The following MFAP1 variants were observed in gnomAD, a reference collection of about 807,000 sequenced individuals.
MFAP1 encodes the protein microfibril associated protein 1.
Under a neutral mutation model 62.2 loss-of-function variants are expected in MFAP1, and 18 were observed. That is an observed-to-expected ratio of 0.29 (90% CI 0.20 to 0.43). The LOEUF (loss-of-function observed/expected upper bound fraction) is 0.43. Ranked by LOEUF, MFAP1 falls within the 20% of genes least tolerant of loss-of-function variation. MFAP1 has a pLI of 1.00. For missense variants in MFAP1, 355 were observed against 559.7 expected (o/e 0.63, Z 3.69); for synonymous variants, 175 against 180.4 (o/e 0.97, Z 0.24).
In MFAP1 at chr15:43,805,093, C is replaced by T. The variant is rs2087354565; in HGVS notation, c.*1G>A. On this transcript the variant is annotated 3_prime_UTR_variant, in exon 9 of 9. Coordinates refer to ENST00000267812, the MANE Select transcript of MFAP1 (RefSeq NM_005926.3). ...CAGTTGGAAGAATAAGCAGTTGGAC[C>T]CTAGGTAGTTTTCCGCTTCTTGGCA... 13 of 1,577,272 alleles carry T rather than the reference C, an allele frequency of 8.2e-6. No individual in the cohort carries two copies. The highest frequency in any genetic ancestry group is 1.1e-5 in the Non-Finnish European group (13 of 1,152,450).
At chr15:43,820,004 C>G (rs952908309) in intron 1 of MFAP1, among the ~76,000 whole-genome samples, 3 of 152,196 alleles carry the variant, frequency 2.0e-5, no homozygotes, top group Non-Finnish European at 2.9e-5. Context: ...AAAAATTAGC[C>G]AGGCATGGTG....
intron 6 of MFAP1, 104 bp from the exon 7 acceptor site, chr15:43,810,018 T>C (rs1421786932): frequency 2.9e-6 from 4 of 1,364,894 alleles, no homozygotes; most frequent in Non-Finnish European, 4.0e-6. Context: ...AGTCACCTTC[T>C]TTAATTCTAG....
intron 7 of MFAP1, 110 bp from the exon 8 acceptor site, chr15:43,805,575 CCTTT>C: frequency 1.2e-6 from 1 of 848,612 alleles, no homozygotes; most frequent in Non-Finnish European, 1.8e-6. Context: ...GGGTATTGAG[CCTTT>C]CTTCAAGAGC....
intron 7 of MFAP1, among the ~76,000 whole-genome samples, chr15:43,809,400 T>A (rs1294912100): frequency 6.6e-6 from 1 of 150,952 alleles, no homozygotes; most frequent in Admixed American, 6.6e-5. Flanking sequence ...CTCTGGAGGC[T>A]GAAGCAGGTG....
chr15:43,815,759 G>A (rs899554884), intron 2 of MFAP1, among the ~76,000 whole-genome samples: 11 of 151,634 alleles, frequency 7.3e-5, no homozygotes, highest in African/African-American at 2.4e-4. Flanking sequence ...TCAGCCTCCC[G>A]AGTAGCTGGG....
At chr15:43,824,385 T>C in intron 1 of MFAP1, 106 bp downstream of exon 1, 2 of 1,101,846 alleles carry the variant, frequency 1.8e-6, no homozygotes, top group South Asian at 3.0e-5. Flanking sequence ...GGCAGCCAGA[T>C]CTCAAGAGCT....
intron 3 of MFAP1, 117 bp from the exon 4 acceptor site, chr15:43,814,805 A>G (rs1415161903): frequency 1.3e-6 from 2 of 1,485,496 alleles, no homozygotes; most frequent in East Asian, 2.3e-5. Flanking sequence ...TCTATTTTTA[A>G]TCCTATCCCC....
chr15:43,811,510 CTT>C (rs373931995), intron 6 of MFAP1, among the ~76,000 whole-genome samples: 5 of 134,538 alleles, frequency 3.7e-5, no homozygotes, highest in Admixed American at 7.4e-5. Flanking sequence ...TTCTTTTTTT[CTT>C]TTTTTTTTTT....
At chr15:43,810,516 G>A (rs1016491143) in intron 6 of MFAP1, among the ~76,000 whole-genome samples, 8 of 151,792 alleles carry the variant, frequency 5.3e-5, no homozygotes, top group African/African-American at 1.7e-4. Context: ...ACAGGTGCCC[G>A]CCACCATGCC....
At chr15:43,817,128 C>A in intron 2 of MFAP1, 101 bp downstream of exon 2, 6 of 1,163,150 alleles carry the variant, frequency 5.2e-6, no homozygotes, top group Non-Finnish European at 7.4e-6. Flanking sequence ...CAAGAATTAG[C>A]AAATGTAATC....
chr15:43,809,545 C>A (rs1384418979), intron 7 of MFAP1, among the ~76,000 whole-genome samples: 2 of 151,166 alleles, frequency 1.3e-5, no homozygotes, highest in Non-Finnish European at 1.5e-5. Context: ...AGAGTTGGGG[C>A]CAAAAGAGAG....
At chr15:43,813,406 G>A in intron 4 of MFAP1, 49 bp from the exon 5 acceptor site, 2 of 1,545,806 alleles carry the variant, frequency 1.3e-6, no homozygotes, top group Non-Finnish European at 1.8e-6. Flanking sequence ...AGAGTGGAGT[G>A]CTTTGTTCCC....
intron 5 of MFAP1, 28 bp downstream of exon 5, chr15:43,813,221 C>T: frequency 1.2e-6 from 2 of 1,614,008 alleles, no homozygotes; most frequent in Non-Finnish European, 1.7e-6. Context: ...ATTTCTTGTA[C>T]TCATTCCTTG....
At position 43,824,547 on chromosome 15, in the gene MFAP1, A is replaced by G. The variant is rs776673970; in HGVS notation, c.23T>C (p.Met8Thr). MSVPSAL[M>T]KQPPIQSTAG... ...CGTAGACTGAATGGGCGGTTGCTTCATGAGAGCGCTTGGGACCGACATGTT... is the reference window on the plus strand; with the variant it reads ...CGTAGACTGAATGGGCGGTTGCTTCGTGAGAGCGCTTGGGACCGACATGTT... The change falls in exon 1 of 9, where the codon ATG becomes ACG. Residue 8 changes from methionine to threonine, a missense_variant. Met to Thr is a moderately conservative substitution (Grantham distance 81, BLOSUM62 -1). Coordinates refer to ENST00000267812, the MANE Select transcript of MFAP1 (RefSeq NM_005926.3). 1 of 1,614,170 alleles carries G rather than the reference A, an allele frequency of 6.2e-7. No individual in the cohort carries two copies. The highest frequency in any genetic ancestry group is 8.5e-7 in the Non-Finnish European group (1 of 1,180,034).
chr15:43,820,359 C>T (rs2087460125), intron 1 of MFAP1, among the ~76,000 whole-genome samples: 2 of 152,012 alleles, frequency 1.3e-5, no homozygotes, highest in South Asian at 4.1e-4. Flanking sequence ...AGTGAGCATC[C>T]TAATGTTGTA....
intron 7 of MFAP1, among the ~76,000 whole-genome samples, chr15:43,806,354 C>CTTTTCTG (rs2087365509): frequency 6.6e-6 from 1 of 152,134 alleles, no homozygotes; most frequent in African/African-American, 2.4e-5. Context: ...TTCTCTTTAA[C>CTTTTCTG]TTTTCTGTTA....
intron 6 of MFAP1, among the ~76,000 whole-genome samples, chr15:43,811,955 C>T (rs1177524112): frequency 1.3e-5 from 2 of 152,002 alleles, no homozygotes; most frequent in African/African-American, 2.4e-5. Flanking sequence ...TTTGGGAGGC[C>T]GAGTTGGGTG....
chr15:43,815,185 T>TA, intron 2 of MFAP1, 111 bp from the exon 3 acceptor site: 1 of 791,958 alleles, frequency 1.3e-6, no homozygotes, highest in Non-Finnish European at 1.7e-6. Flanking sequence ...AATACTGAAG[T>TA]TTTTTTTTTT....
intron 3 of MFAP1, 84 bp downstream of exon 3, chr15:43,814,861 T>C: frequency 6.4e-7 from 1 of 1,567,534 alleles, no homozygotes; most frequent in Non-Finnish European, 8.7e-7. Context: ...AGTGATCTCA[T>C]GTTTTTAAGG....
Sources: allele counts gnomAD v4.1 joint callset (sites outside exome capture counted in the v4.1 genomes callset), GRCh38; gene constraint gnomAD v4.1.1; transcripts MANE v1.5; gene names NCBI Gene and HGNC (gene_info 2026-07-23, HGNC 2026-07-21).